The following NEB variants were observed in gnomAD, a reference collection of about 807,000 sequenced individuals.
NEB encodes nebulin.
In NEB, 512 loss-of-function variants were observed where a neutral mutation model predicts 952.2. The observed-to-expected ratio is 0.54, with a 90% CI of 0.50 to 0.58. The LOEUF (loss-of-function observed/expected upper bound fraction) is 0.58, where lower values mean the gene tolerates loss of function less well. Ranked by LOEUF, NEB falls within the 20% of genes least tolerant of loss-of-function variation. The probability of loss-of-function intolerance (pLI) is 0.00; values close to 1 mark genes in which losing one functional copy is unlikely to be tolerated. For missense variants in NEB, 8,428 were observed against 9,231.1 expected, an observed-to-expected ratio of 0.91 and a Z score of 3.56; for synonymous variants, 2,900 against 3,149.8, an observed-to-expected ratio of 0.92 and a Z score of 2.66.
intron 134 of NEB, among the ~76,000 whole-genome samples, 151 bp from the exon 135 acceptor site, chr2:151,546,149 C>T (rs13413290): frequency 0.019 from 2,851 of 152,238 alleles, 100 homozygotes; most frequent in African/African-American, 0.065. Context: ...AAACAATTGT[C>T]ATTTAACTAA....
intron 141 of NEB, 53 bp from the exon 142 acceptor site, chr2:151,535,848 A>G (rs2093066308): frequency 1.1e-6 from 1 of 910,494 alleles, no homozygotes; most frequent in Non-Finnish European, 1.7e-6. Flanking sequence ...TATCTTAAGA[A>G]TGAGACATGC....
intron 54 of NEB, among the ~76,000 whole-genome samples, chr2:151,649,721 C>T (rs1286477700): frequency 1.3e-5 from 2 of 152,170 alleles, no homozygotes; most frequent in Admixed American, 1.3e-4. Context: ...GGAATAGATA[C>T]TTATTTACAG....
intron 160 of NEB, among the ~76,000 whole-genome samples, chr2:151,513,301 G>A (rs571743708): frequency 1.9e-4 from 29 of 152,298 alleles, no homozygotes; most frequent in African/African-American, 6.5e-4. Context: ...AGGCCAAGAT[G>A]TCGAGTTTGC....
At chr2:151,500,922 C>T (rs534563062) in intron 168 of NEB, among the ~76,000 whole-genome samples, 57 of 152,102 alleles carry the variant, frequency 3.7e-4, no homozygotes, top group African/African-American at 1.3e-3. Flanking sequence ...CTTTTGGTTT[C>T]AATATGGAGC....
intron 60 of NEB, 59 bp downstream of exon 60, chr2:151,642,515 G>A (rs2098888013): frequency 1.4e-6 from 2 of 1,414,150 alleles, no homozygotes; most frequent in Admixed American, 1.9e-5. Flanking sequence ...ATAAATCCAG[G>A]AGAGAGAAAT....
chr2:151,504,204 G>GT (rs2067023023), intron 165 of NEB, among the ~76,000 whole-genome samples: 1 of 152,274 alleles, frequency 6.6e-6, no homozygotes, highest in Non-Finnish European at 1.5e-5. Flanking sequence ...AGTGCATGGC[G>GT]TGGGGAGCAA....
chr2:151,496,865 TTAA>T, intron 172 of NEB, 73 bp downstream of exon 172: 1 of 1,411,286 alleles, frequency 7.1e-7, no homozygotes, highest in Non-Finnish European at 9.7e-7. Flanking sequence ...GAAAATAGGA[TTAA>T]TATGTATTAT....
chr2:151,497,873 G>A, intron 170 of NEB, 155 bp from the exon 171 acceptor site: 1 of 1,504,026 alleles, frequency 6.6e-7, no homozygotes, highest in African/African-American at 1.4e-5. Context: ...CTGTTGTTGG[G>A]ATAGGGAATC....
At chr2:151,553,060 A>T (rs1034987569) in intron 127 of NEB, among the ~76,000 whole-genome samples, 7 of 152,202 alleles carry the variant, frequency 4.6e-5, no homozygotes, top group African/African-American at 1.7e-4. Flanking sequence ...CTCTCTTTAC[A>T]AATAGAGCTT....
chr2:151,679,672 A>AC, intron 32 of NEB, 49 bp downstream of exon 32: 4 of 335,282 alleles, frequency 1.2e-5, no homozygotes, highest in Non-Finnish European at 2.4e-5. Flanking sequence ...CCCCAAGCCC[A>AC]CCCACCCACA....
At chr2:151,712,771 AG>A (rs2099748804) in intron 10 of NEB, among the ~76,000 whole-genome samples, 1 of 152,102 alleles carries the variant, frequency 6.6e-6, no homozygotes. Context: ...CTACCAGCGA[AG>A]GGGTCCCACT....
chr2:151,724,153 A>G, intron 8 of NEB, 107 bp downstream of exon 8: 2 of 887,232 alleles, frequency 2.3e-6, no homozygotes, highest in Non-Finnish European at 3.6e-6. Flanking sequence ...ACTCATAAAA[A>G]GATTGGGGAA....
chr2:151,712,326 A>G (rs1229950106), intron 10 of NEB, among the ~76,000 whole-genome samples: 1 of 152,236 alleles, frequency 6.6e-6, no homozygotes, highest in African/African-American at 2.4e-5. Context: ...TTGGGCATTT[A>G]TCAAGAAATA....
chr2:151,558,706 T>C (rs528809023), intron 124 of NEB, among the ~76,000 whole-genome samples: 1 of 152,210 alleles, frequency 6.6e-6, no homozygotes, highest in Non-Finnish European at 1.5e-5. Flanking sequence ...GGGAGAAGAC[T>C]CCCTATTTAA....
rs541193797 is a variant in NEB at position 151,610,469 on chromosome 2, T to TG, written c.12018+46dup. ...GTGGTTCACCAGCCACCCTCTGGGT[T>TG]GTTCAGCACAGTGGAGACCACAGAG... is the stretch of plus-strand genomic sequence containing the variant. On this transcript the variant is annotated intron_variant, in intron 80 of 181. Coordinates refer to ENST00000397345, the MANE Select transcript of NEB (RefSeq NM_001164508.2). 4,724 of 1,439,240 alleles carry TG rather than the reference T, an allele frequency of 3.3e-3. 21 individuals are homozygous for TG. Among genetic ancestry groups the TG allele is most frequent in the Middle Eastern group, 9.5e-3 (53 of 5,586 alleles). 89.2% of individuals were successfully genotyped at this position (1,439,240 alleles called of 1,614,324 possible). A position where few individuals can be genotyped will look rare whatever the true frequency, so the allele number is the denominator to read the frequency against.
chr2:151,618,720 C>T (rs1389201136), intron 73 of NEB, among the ~76,000 whole-genome samples: 1 of 151,996 alleles, frequency 6.6e-6, no homozygotes, highest in African/African-American at 2.4e-5. Context: ...AAGACATGGT[C>T]CTGCCTATGA....
chr2:151,688,975 T>G (rs2099524407), intron 24 of NEB, among the ~76,000 whole-genome samples: 1 of 152,142 alleles, frequency 6.6e-6, no homozygotes, highest in East Asian at 1.9e-4. Context: ...TGCAGGTAAC[T>G]GAAATTATGG....
intron 34 of NEB, among the ~76,000 whole-genome samples, chr2:151,677,129 C>T (rs1336477489): frequency 1.3e-5 from 2 of 152,132 alleles, no homozygotes; most frequent in Non-Finnish European, 2.9e-5. Context: ...AACATATATT[C>T]ATATGTATTA....
At chr2:151,545,799 G>T in intron 135 of NEB, 89 bp downstream of exon 135, 2 of 749,790 alleles carry the variant, frequency 2.7e-6, no homozygotes, top group Non-Finnish European at 2.2e-6. Flanking sequence ...CCTGAACAGC[G>T]ATCACTAGAG....
Sources: gnomAD v4.1 joint callset for allele counts (sites outside exome capture counted in the v4.1 genomes callset) on GRCh38, gnomAD v4.1.1 for gene constraint, MANE v1.5 for transcripts, NCBI Gene and HGNC (gene_info 2026-07-23, HGNC 2026-07-21) for gene names.